Variants in CLSTN1 observed in about 807,000 individuals in gnomAD.
CLSTN1 encodes the protein calsyntenin-1.
CLSTN1 carries 28 observed loss-of-function variants against 108.3 expected under a neutral mutation model. The ratio of observed to expected loss-of-function variants is 0.26; its 90% CI spans 0.19 to 0.35. CLSTN1 has a LOEUF of 0.35. CLSTN1 is among the 10% of genes least tolerant of loss of function. The pLI is 1.00. For missense variants in CLSTN1, 1,157 were observed against 1,302.6 expected, an observed-to-expected ratio of 0.89 and a Z score of 1.72; for synonymous variants, 524 against 534.9, an observed-to-expected ratio of 0.98 and a Z score of 0.28.
chr1:9,742,611 G>A (rs760559552), intron 9 of CLSTN1, among the ~76,000 whole-genome samples: 2 of 152,120 alleles, frequency 1.3e-5, no homozygotes, highest in Non-Finnish European at 2.9e-5. Context: ...CCAGGACTAA[G>A]CCTTTCTTTA....
At chr1:9,745,228 CAAAA>C (rs58703418) in intron 7 of CLSTN1, among the ~76,000 whole-genome samples, 2 of 109,410 alleles carry the variant, frequency 1.8e-5, no homozygotes, top group African/African-American at 6.5e-5. Flanking sequence ...GACTCCGTCT[CAAAA>C]AAAAAAAAAA....
At chr1:9,750,761 G>T (rs1057259394) in intron 5 of CLSTN1, among the ~76,000 whole-genome samples, 5 of 145,982 alleles carry the variant, frequency 3.4e-5, no homozygotes, top group African/African-American at 1.3e-4. Context: ...TAACTTAATG[G>T]AGAACATGGC....
At chr1:9,745,552 G>C (rs1651217164) in intron 7 of CLSTN1, among the ~76,000 whole-genome samples, 1 of 151,676 alleles carries the variant, frequency 6.6e-6, no homozygotes, top group African/African-American at 2.4e-5. Context: ...AGCTACTTGG[G>C]AGGCTGAGAT....
At chr1:9,778,600 G>T (rs563730647) in intron 1 of CLSTN1, among the ~76,000 whole-genome samples, 6 of 152,222 alleles carry the variant, frequency 3.9e-5, no homozygotes, top group African/African-American at 1.4e-4. Flanking sequence ...TGGAAGGTTA[G>T]ATTACAGAGG....
intron 2 of CLSTN1, among the ~76,000 whole-genome samples, chr1:9,769,813 C>T (rs1196220379): frequency 9.2e-5 from 14 of 152,054 alleles, no homozygotes; most frequent in Admixed American, 9.2e-4. Context: ...GAAGCCGAGG[C>T]AGGCAGATCA....
intron 2 of CLSTN1, among the ~76,000 whole-genome samples, chr1:9,759,528 C>T (rs541237653): frequency 1.6e-4 from 24 of 152,342 alleles, no homozygotes; most frequent in African/African-American, 5.5e-4. Context: ...ATGATCCGCC[C>T]GCCTCGGCCT....
At position 9,730,583 on chromosome 1, in the gene CLSTN1, C is replaced by T. The variant is rs763547691; in HGVS notation, c.2871G>A (p.Glu957=). 1.9e-5 allele frequency: 31 copies of T among 1,606,612 alleles called. No homozygotes were observed. The South Asian group carries it at 3.0e-4, about 15-fold the overall frequency. ...CGTTCTGGGGGTCGCCCTGCTCCCCCTCCTCCTCCTCGCTGCTCTCCGACT... is the reference window on the plus strand; with the variant it reads ...CGTTCTGGGGGTCGCCCTGCTCCCCTTCCTCCTCCTCGCTGCTCTCCGACT... The part of the protein sequence containing the change: ...SAESESSEEE[E]GEQGDPQNAT... The change falls in exon 19 of 19, where the codon GAG becomes GAA. Residue 957 remains glutamate, a synonymous_variant. Transcript: ENST00000377298. The surrounding 1 kb of genome is among the most constrained non-coding windows in gnomAD (Gnocchi z 5.6).
chr1:9,769,963 G>A (rs113202638), intron 2 of CLSTN1, among the ~76,000 whole-genome samples: 2,740 of 149,520 alleles, frequency 0.018, 76 homozygotes, highest in African/African-American at 0.064. Context: ...CCGGGAGGCA[G>A]AGCTTGCAGT....
intron 1 of CLSTN1, among the ~76,000 whole-genome samples, chr1:9,816,550 A>T (rs1654979484): frequency 6.8e-6 from 1 of 146,192 alleles, no homozygotes; most frequent in Non-Finnish European, 1.5e-5. Context: ...AAAAAAAAAA[A>T]AAAGGAGTGG....
At chr1:9,821,978 G>C (rs796112126) in intron 1 of CLSTN1, among the ~76,000 whole-genome samples, 14 of 152,308 alleles carry the variant, frequency 9.2e-5, no homozygotes, top group African/African-American at 3.4e-4. Flanking sequence ...AATGTATGCT[G>C]TTTAAGTAAC....
chr1:9,735,751 G>A (rs1164245554), intron 12 of CLSTN1, 134 bp downstream of exon 12: 1 of 1,496,784 alleles, frequency 6.7e-7, no homozygotes, highest in South Asian at 1.2e-5. Context: ...GCTCGTTTAA[G>A]TCCAGTGAAC....
At chr1:9,789,612 G>A (rs138610176) in intron 1 of CLSTN1, among the ~76,000 whole-genome samples, 14 of 151,322 alleles carry the variant, frequency 9.3e-5, no homozygotes, top group African/African-American at 3.1e-4. Context: ...TCTCAATACC[G>A]CATCATACAT....
intron 1 of CLSTN1, among the ~76,000 whole-genome samples, chr1:9,801,554 T>C (rs1341102952): frequency 6.6e-6 from 1 of 152,186 alleles, no homozygotes; most frequent in Non-Finnish European, 1.5e-5. Context: ...TCACCATTAT[T>C]GTTCGTTTGT....
chr1:9,798,595 G>A (rs185923787), intron 1 of CLSTN1, among the ~76,000 whole-genome samples: 1 of 152,290 alleles, frequency 6.6e-6, no homozygotes, highest in Admixed American at 6.5e-5. Context: ...GGGCAGAAGG[G>A]AGTAGCAAAT....
rs943226077 is a variant in CLSTN1 at position 9,787,109 on chromosome 1, C to T, written c.92-13715G>A. ...TGCAGTTTAGAGTCTAGGTATCTCC[C>T]GCACACGGAGATGGGGCTGTCCCCA... On this transcript the variant is annotated intron_variant, in intron 1 of 18. Coordinates refer to ENST00000377298, the MANE Select transcript of CLSTN1 (RefSeq NM_001009566.3). 7.3e-5 allele frequency among the ~76,000 whole-genome samples: 11 copies of T among 151,036 alleles called. 1 individual carries two copies. Among genetic ancestry groups the T allele is most frequent in the East Asian group, 4.0e-4 (2 of 5,022 alleles).
intron 7 of CLSTN1, 27 bp from the exon 8 acceptor site, chr1:9,744,670 CAT>C (rs774585955): frequency 2.5e-6 from 4 of 1,588,964 alleles, no homozygotes; most frequent in East Asian, 2.3e-5. Flanking sequence ...CGGTGAAACT[CAT>C]GTGAGGAGCC....
At position 9,798,845 on chromosome 1, in the gene CLSTN1, C is replaced by T. The variant is rs78797928; in HGVS notation, c.91+24798G>A. On this transcript the variant is annotated intron_variant, in intron 1 of 18. Coordinates refer to ENST00000377298, the MANE Select transcript of CLSTN1 (RefSeq NM_001009566.3). ...AAAAATCAAGAACTATTCTTAGATCCCTAAGAGAAGTGAGATCACAAGGCA... is the reference window on the plus strand; with the variant it reads ...AAAAATCAAGAACTATTCTTAGATCTCTAAGAGAAGTGAGATCACAAGGCA... 2.0e-5 allele frequency among the ~76,000 whole-genome samples: 3 copies of T among 152,160 alleles called. No individual in the cohort carries two copies. The South Asian group carries it at 6.2e-4, about 32-fold the overall frequency.
intron 11 of CLSTN1, 64 bp downstream of exon 11, chr1:9,737,434 G>T: frequency 1.4e-6 from 2 of 1,459,658 alleles, no homozygotes; most frequent in Non-Finnish European, 1.9e-6. Context: ...TGCGACACGT[G>T]GAATGAATCA....
chr1:9,732,917 A>G (rs956225535), intron 16 of CLSTN1, among the ~76,000 whole-genome samples: 1 of 152,258 alleles, frequency 6.6e-6, no homozygotes, highest in African/African-American at 2.4e-5. Context: ...TTGGCTGGGC[A>G]CAGTGGCTCA....
Sources: gnomAD v4.1 joint callset for allele counts (sites outside exome capture counted in the v4.1 genomes callset) on GRCh38, gnomAD v4.1.1 for gene constraint, Gnocchi (gnomAD v3.1) non-coding constraint, MANE v1.5 for transcripts, NCBI Gene and HGNC (gene_info 2026-07-23, HGNC 2026-07-21) for gene names.